YWHAQ: variants seen among roughly 807,000 people sequenced by gnomAD.
YWHAQ encodes the protein tyrosine 3-monooxygenase/tryptophan 5-monooxygenase activation protein theta.
YWHAQ carries 6 observed loss-of-function variants against 28.3 expected under a neutral mutation model. The observed-to-expected ratio is 0.21, with a 90% CI of 0.12 to 0.42. YWHAQ has a LOEUF of 0.42. Ranked by LOEUF, YWHAQ falls within the 10% of genes least tolerant of loss-of-function variation. The pLI is 1.00. For synonymous variants in YWHAQ, 143 were observed against 119.1 expected, an observed-to-expected ratio of 1.20 and a Z score of -1.31; for missense variants, 201 against 305.6, an observed-to-expected ratio of 0.66 and a Z score of 2.55.
In YWHAQ at chr2:9,630,409, T is replaced by A. The variant is rs1218968603; in HGVS notation, c.44A>T (p.Gln15Leu). ...GGCCATGTCGTCGTAGCGCTCGGCCTGCTCGGCCAGCTTGGCCTTCTGGAT... is the reference window on the plus strand; with the variant it reads ...GGCCATGTCGTCGTAGCGCTCGGCCAGCTCGGCCAGCTTGGCCTTCTGGAT... ...ELIQKAKLAEQAERYDDMATC... is the reference protein window; with the variant it reads ...ELIQKAKLAELAERYDDMATC... The change falls in exon 2 of 6, where the codon CAG becomes CTG. Residue 15 changes from glutamine to leucine, a missense_variant. By Grantham distance (113) the Gln-to-Leu change is moderately radical (BLOSUM62 -2). Around this residue, in one of 2 missense-constraint regions of YWHAQ, gnomAD observed 162 missense variants for 213.9 expected, o/e 0.76. Transcript: ENST00000238081. The surrounding 1 kb of genome is among the most constrained non-coding windows in gnomAD (Gnocchi z 5.6). 1 of 1,613,248 alleles carries A rather than the reference T, an allele frequency of 6.2e-7. No individual in the cohort carries two copies. Among genetic ancestry groups the A allele is most frequent in the Non-Finnish European group, 8.5e-7 (1 of 1,179,978 alleles).
Position 9,630,873 on chromosome 2 carries a change from G to A in YWHAQ, c.-83+68C>T, listed in dbSNP as rs1224744629. ...TCGACAACCGGCTGCTCTCAAGGGC[G>A]GCACCTCCGCCCGGCCCTCAATCCG... On this transcript the variant is annotated intron_variant, in intron 1 of 5. Coordinates refer to ENST00000238081, the MANE Select transcript of YWHAQ (RefSeq NM_006826.4). This position sits in a 1 kb window ranked among gnomAD's most constrained non-coding sequence, Gnocchi z 5.6. 3 of 152,678 alleles carry A rather than the reference G, an allele frequency of 2.0e-5. No homozygotes were observed. The East Asian group carries it at 5.8e-4, about 30-fold the overall frequency. The allele number at this position is 152,678 out of a possible 1,614,324, so 9.5% of individuals were successfully genotyped here. A position where few individuals can be genotyped will look rare whatever the true frequency, so the allele number is the denominator to read the frequency against.
intron 2 of YWHAQ, among the ~76,000 whole-genome samples, chr2:9,596,702 A>AT (rs35425869): frequency 0.52 from 77,145 of 149,762 alleles, 20,549 homozygotes; most frequent in Middle Eastern, 0.63. Context: ...TAAGCTAGAG[A>AT]TTTTTTTTTT....
intron 2 of YWHAQ, among the ~76,000 whole-genome samples, chr2:9,620,109 G>A (rs368080847): frequency 3.0e-4 from 45 of 152,262 alleles, no homozygotes; most frequent in South Asian, 4.1e-4. Context: ...GCGACATGAC[G>A]TTCACAATCT....
rs1667366337 is a variant in YWHAQ at position 9,630,946 on chromosome 2, C to G, written c.-88G>C. 1.3e-5 allele frequency: 2 copies of G among 152,724 alleles called. No individual in the cohort carries two copies. The highest frequency in any genetic ancestry group is 1.9e-4 in the East Asian group (1 of 5,160). The allele number at this position is 152,724 out of a possible 1,614,324, so 9.5% of individuals were successfully genotyped here. A position where few individuals can be genotyped will look rare whatever the true frequency, so the allele number is the denominator to read the frequency against. On this transcript the variant is annotated 5_prime_UTR_variant, in exon 1 of 6. Coordinates refer to ENST00000238081, the MANE Select transcript of YWHAQ (RefSeq NM_006826.4). This position sits in a 1 kb window ranked among gnomAD's most constrained non-coding sequence, Gnocchi z 5.6. ...GGGCCGACCCAGGCGCTCACCTTCA[C>G]GTCTCCGCGGCCGCGACGCGAGTCC...
In YWHAQ at chr2:9,584,208, T is replaced by C. The variant is rs1371688588; in HGVS notation, c.*1078A>G. The C allele has an allele frequency of 6.6e-6, 1 of 152,658 alleles. No individual in the cohort carries two copies. The allele number at this position is 152,658 out of a possible 1,614,324, so 9.5% of individuals were successfully genotyped here. ...GGAAGTATCAATAAACTTTAGAAAG[T>C]AGTAAATTCACCTGTCCCTTAAAAT... is the stretch of plus-strand genomic sequence containing the variant. On this transcript the variant is annotated 3_prime_UTR_variant, in exon 6 of 6. Coordinates refer to ENST00000238081, the MANE Select transcript of YWHAQ (RefSeq NM_006826.4).
chr2:9,619,152 A>G (rs950611848), intron 2 of YWHAQ, among the ~76,000 whole-genome samples: 5 of 152,200 alleles, frequency 3.3e-5, no homozygotes, highest in Admixed American at 1.3e-4. Flanking sequence ...AATAGCTAAA[A>G]TAAGTTTATA....
chr2:9,604,993 C>T (rs1572995706), intron 2 of YWHAQ, among the ~76,000 whole-genome samples: 1 of 152,234 alleles, frequency 6.6e-6, no homozygotes, highest in East Asian at 1.9e-4. Flanking sequence ...GAAATGGATG[C>T]AACAGAAGTG....
At chr2:9,600,741 G>A (rs1361558832) in intron 2 of YWHAQ, among the ~76,000 whole-genome samples, 1 of 152,040 alleles carries the variant, frequency 6.6e-6, no homozygotes, top group Admixed American at 6.6e-5. Flanking sequence ...AAAATCTTTT[G>A]TGAAAGGAAG....
intron 2 of YWHAQ, among the ~76,000 whole-genome samples, chr2:9,599,524 C>T (rs1357028685): frequency 6.6e-6 from 1 of 152,164 alleles, no homozygotes; most frequent in African/African-American, 2.4e-5. Flanking sequence ...GCTCATTTAG[C>T]ATTCCAAAAA....
chr2:9,629,735 G>GA (rs944776182), intron 2 of YWHAQ, among the ~76,000 whole-genome samples: 21 of 152,152 alleles, frequency 1.4e-4, no homozygotes, highest in African/African-American at 4.3e-4. Context: ...CTGGGTTTGG[G>GA]AAAAAATCCC....
intron 5 of YWHAQ, among the ~76,000 whole-genome samples, chr2:9,586,923 A>C (rs1347735602): frequency 6.6e-6 from 1 of 152,110 alleles, no homozygotes; most frequent in African/African-American, 2.4e-5. Context: ...GGAGAAAAAG[A>C]CAAACAAAAC....
intron 2 of YWHAQ, among the ~76,000 whole-genome samples, chr2:9,620,077 C>T (rs1486261535): frequency 1.3e-5 from 2 of 152,204 alleles, no homozygotes; most frequent in Non-Finnish European, 2.9e-5. Context: ...ACACACTTCT[C>T]CATTTATTTC....
chr2:9,592,453 C>T (rs912765022), intron 2 of YWHAQ, among the ~76,000 whole-genome samples: 2 of 152,018 alleles, frequency 1.3e-5, no homozygotes, highest in Admixed American at 6.6e-5. Context: ...GGGCCGGGCG[C>T]GGTGGCTCAC....
chr2:9,586,707 C>T (rs1666349625), intron 5 of YWHAQ, among the ~76,000 whole-genome samples: 2 of 152,110 alleles, frequency 1.3e-5, no homozygotes, highest in South Asian at 4.2e-4. Context: ...TTTAAAAAAT[C>T]CTATCTAGTA....
rs1216135452 is a variant in YWHAQ at position 9,597,223 on chromosome 2, C to G, written c.295-5708G>C. Among the ~76,000 whole-genome samples, 12 of 152,072 alleles carry G rather than the reference C, an allele frequency of 7.9e-5. 1 individual carries two copies. Among genetic ancestry groups the G allele is most frequent in the African/African-American group, 2.9e-4 (12 of 41,390 alleles). On this transcript the variant is annotated intron_variant, in intron 2 of 5. Transcript: ENST00000238081. ...GGATTTGTTGCCTTAACCAAGGAGGCAGTGAATCACCTAAGACTTAATCCA... is the reference window on the plus strand; with the variant it reads ...GGATTTGTTGCCTTAACCAAGGAGGGAGTGAATCACCTAAGACTTAATCCA...
At position 9,622,149 on chromosome 2, in the gene YWHAQ, C is replaced by A. The variant is rs117916783; in HGVS notation, c.294+8010G>T. On this transcript the variant is annotated intron_variant, in intron 2 of 5. Transcript: ENST00000238081. ...TGTATACCTATGAAAGAAACCTGCA[C>A]GTCCTGCACTTGTATCCCAGAACTT... is the stretch of plus-strand genomic sequence containing the variant. Among the ~76,000 whole-genome samples the A allele has an allele frequency of 8.0e-4, 121 of 151,144 alleles. No individual in the cohort carries two copies. In the East Asian group the frequency reaches 0.02, roughly 25 times the overall value.
chr2:9,622,150 G>A (rs556624117), intron 2 of YWHAQ, among the ~76,000 whole-genome samples: 31 of 150,944 alleles, frequency 2.1e-4, no homozygotes, highest in African/African-American at 5.9e-4. Flanking sequence ...AAACCTGCAC[G>A]TCCTGCACTT....
At chr2:9,605,659 C>A (rs1040234699) in intron 2 of YWHAQ, among the ~76,000 whole-genome samples, 20 of 151,974 alleles carry the variant, frequency 1.3e-4, no homozygotes, top group African/African-American at 4.8e-4. Context: ...TTCCCGGGTT[C>A]AGGCAATTCT....
chr2:9,606,251 C>A (rs1399114235), intron 2 of YWHAQ, among the ~76,000 whole-genome samples: 1 of 152,118 alleles, frequency 6.6e-6, no homozygotes, highest in African/African-American at 2.4e-5. Context: ...TCTTTCTGAA[C>A]CCAGTGTGTA....
Sources: allele counts gnomAD v4.1 joint callset (sites outside exome capture counted in the v4.1 genomes callset), GRCh38; gene constraint gnomAD v4.1.1; regional missense constraint gnomAD v4.1.1; non-coding constraint Gnocchi (gnomAD v3.1); transcripts MANE v1.5; gene names NCBI Gene and HGNC (gene_info 2026-07-23, HGNC 2026-07-21).